Variants in GATAD1 observed in about 807,000 individuals in gnomAD.
GATAD1 encodes the protein GATA zinc finger domain-containing protein 1.
Under a neutral mutation model 26.5 loss-of-function variants are expected in GATAD1, and 12 were observed. The ratio of observed to expected loss-of-function variants is 0.45; its 90% CI spans 0.29 to 0.73. GATAD1 has a LOEUF of 0.73. GATAD1 is among the 30% of genes least tolerant of loss of function. GATAD1 has a pLI of 0.10. For synonymous variants in GATAD1, 129 were observed against 133.1 expected (o/e 0.97, Z 0.21); for missense variants, 266 against 342.1 (o/e 0.78, Z 1.75).
the GATAD1 span, among the ~76,000 whole-genome samples, chr7:92,475,749 T>C: frequency 6.6e-6 from 1 of 152,220 alleles, no homozygotes; most frequent in Non-Finnish European, 1.5e-5. Flanking sequence ...GCCTTTGCGC[T>C]CAGGGGTGAG....
rs1171830514 is a variant in GATAD1, at chr7:92,457,425, C to G, written c.*863C>G. Reference sequence around the variant, plus strand: ...GTTGCAGTGAGCAGAGATCGTGCCACTGCACTCCAGCCTGGGTGGACAGAG... The same window carrying G: ...GTTGCAGTGAGCAGAGATCGTGCCAGTGCACTCCAGCCTGGGTGGACAGAG... On this transcript the variant is annotated 3_prime_UTR_variant, in exon 5 of 5. Transcript: ENST00000287957. 6.6e-6 allele frequency: 1 copy of G among 152,324 alleles called. No homozygotes were observed. The highest frequency in any genetic ancestry group is 1.5e-5 in the Non-Finnish European group (1 of 68,156). 9.4% of individuals were successfully genotyped at this position (152,324 alleles called of 1,614,324 possible).
chr7:92,447,706 CG>C lies in GATAD1; in HGVS notation c.-19del, dbSNP rs1162226618. 7.6e-6 allele frequency: 11 copies of C among 1,440,228 alleles called. No homozygotes were observed. The highest frequency in any genetic ancestry group is 2.8e-5 in the South Asian group (2 of 71,214). 89.2% of individuals were successfully genotyped at this position (1,440,228 alleles called of 1,614,324 possible). ...CGCCATTCCCGTGTCTCTGCGCCCG[CG>C]GGGGCCGCCCGAGCCGGCCACCATG... On this transcript the variant is annotated 5_prime_UTR_variant, in exon 1 of 5. Transcript: ENST00000287957.
Position 92,456,456 on chromosome 7 carries a change from C to G in GATAD1, c.704C>G (p.Ser235Ter). 6.2e-7 allele frequency: 1 copy of G among 1,611,514 alleles called. No individual in the cohort carries two copies. Reference sequence around the variant, plus strand: ...TCTGAGTATTTCAAGTCACGGTCATCACCATTTCCCACAGTTCCCACCAGA... The same window carrying G: ...TCTGAGTATTTCAAGTCACGGTCATGACCATTTCCCACAGTTCCCACCAGA... ...APSEYFKSRS[S>*]PFPTVPTRPE... The change falls in exon 5 of 5, where the codon TCA (serine) becomes TGA (stop). Residue 235 changes from serine (S) to a stop codon, truncating the protein, a stop_gained. Transcript: ENST00000287957. LOFTEE classifies it high-confidence loss of function.
At chr7:92,467,312 C>G in the GATAD1 span, among the ~76,000 whole-genome samples, 1 of 150,500 alleles carries the variant, frequency 6.6e-6, no homozygotes, top group African/African-American at 2.4e-5. Context: ...AACTCCGTCT[C>G]AAAATAAAAA....
chr7:92,476,407 CG>C, the GATAD1 span, among the ~76,000 whole-genome samples: 1 of 152,140 alleles, frequency 6.6e-6, no homozygotes, highest in Non-Finnish European at 1.5e-5. Context: ...AGGGAAGCTA[CG>C]GGTTGTCAAT....
the GATAD1 span, chr7:92,475,278 G>T: frequency 1.3e-5 from 2 of 152,088 alleles, no homozygotes; most frequent in Admixed American, 6.5e-5. Context: ...TCTTAGGGGC[G>T]TTTTTGTCTT....
chr7:92,477,239 C>G, the GATAD1 span: 2 of 152,314 alleles, frequency 1.3e-5, no homozygotes, highest in African/African-American at 4.8e-5. Context: ...GAAAGCCCTT[C>G]CCCAGATAGC....
chr7:92,462,009 G>A (rs1413265297), downstream of GATAD1, among the ~76,000 whole-genome samples: 1 of 152,124 alleles, frequency 6.6e-6, no homozygotes, highest in African/African-American at 2.4e-5. Flanking sequence ...CTATCCAGCT[G>A]GTGGCCAATG....
Position 92,447,622 on chromosome 7 carries a change from C to A in GATAD1, c.-108C>A. ...ACCGGCAGCTCCGTGCCGACGCTCT[C>A]ACCGCTCTTCCTATCGCCGGGAGTG... is the stretch of plus-strand genomic sequence containing the variant. On this transcript the variant is annotated 5_prime_UTR_variant, in exon 1 of 5. Coordinates refer to ENST00000287957, the MANE Select transcript of GATAD1 (RefSeq NM_021167.5). 1 of 1,302,120 alleles carries A rather than the reference C, an allele frequency of 7.7e-7. No individual in the cohort carries two copies. Among genetic ancestry groups the A allele is most frequent in the Non-Finnish European group, 9.8e-7 (1 of 1,019,050 alleles). The allele number at this position is 1,302,120 out of a possible 1,614,324, so 80.7% of individuals were successfully genotyped here.
chr7:92,449,028 A>G, intron 2 of GATAD1, 151 bp downstream of exon 2: 1 of 1,040,576 alleles, frequency 9.6e-7, no homozygotes, highest in Non-Finnish European at 1.4e-6. Flanking sequence ...AAAGGGAATG[A>G]GCTCTGTTGC....
chr7:92,460,419 G>A (rs1045104151), downstream of GATAD1, among the ~76,000 whole-genome samples: 1 of 152,138 alleles, frequency 6.6e-6, no homozygotes. Context: ...GAGAAGGTCT[G>A]TGCCAAGAGA....
In GATAD1 at chr7:92,458,849, G is replaced by A. The variant is rs1189255792; in HGVS notation, c.*2287G>A. 1 of 152,198 alleles carries A rather than the reference G, an allele frequency of 6.6e-6. No individual in the cohort carries two copies. Among genetic ancestry groups the A allele is most frequent in the Non-Finnish European group, 1.5e-5 (1 of 68,030 alleles). The allele number at this position is 152,198 out of a possible 1,614,324, so 9.4% of individuals were successfully genotyped here. A position where few individuals can be genotyped will look rare whatever the true frequency, so the allele number is the denominator to read the frequency against. On this transcript the variant is annotated 3_prime_UTR_variant, in exon 5 of 5. Transcript: ENST00000287957. ...TTTTCACCGTGCATTTACTTTGGAT[G>A]TATTTATTTCATTTAAACAATTTAA...
chr7:92,468,761 C>G, the GATAD1 span: 3 of 714,856 alleles, frequency 4.2e-6, no homozygotes, highest in Non-Finnish European at 7.6e-6. Flanking sequence ...GGCCGACGAC[C>G]GCTCTAACTG....
chr7:92,448,300 T>C (rs929436092), intron 1 of GATAD1, among the ~76,000 whole-genome samples: 6 of 152,254 alleles, frequency 3.9e-5, no homozygotes, highest in African/African-American at 1.4e-4. Flanking sequence ...TTTTGTCATA[T>C]CAGGTTATGA....
intron 4 of GATAD1, among the ~76,000 whole-genome samples, 192 bp from the exon 5 acceptor site, chr7:92,456,180 G>A (rs964716743): frequency 1.3e-5 from 2 of 152,130 alleles, no homozygotes; most frequent in Non-Finnish European, 2.9e-5. Flanking sequence ...GTTTTTGGGA[G>A]AATGCCATAT....
At chr7:92,450,455 T>C in intron 2 of GATAD1, 1 of 493,024 alleles carries the variant, frequency 2.0e-6, no homozygotes, top group Non-Finnish European at 3.6e-6. Context: ...GCATTAGATC[T>C]CAGCAGCATA....
At chr7:92,486,179 C>T in the GATAD1 span, among the ~76,000 whole-genome samples, 1 of 152,212 alleles carries the variant, frequency 6.6e-6, no homozygotes, top group East Asian at 1.9e-4. Flanking sequence ...GCAGCAGTGA[C>T]CAACCAGGCA....
At chr7:92,487,625 A>G in the GATAD1 span, 1 of 603,612 alleles carries the variant, frequency 1.7e-6, no homozygotes, top group Non-Finnish European at 2.9e-6. Context: ...AAACACAATT[A>G]TATTTTAAGA....
At chr7:92,487,436 C>A in the GATAD1 span, 2 of 1,361,312 alleles carry the variant, frequency 1.5e-6, no homozygotes, top group African/African-American at 2.9e-5. Context: ...TTAACAGAAC[C>A]AAATCAAAAA....
Sources: gnomAD v4.1 joint callset for allele counts (sites outside exome capture counted in the v4.1 genomes callset) on GRCh38, gnomAD v4.1.1 for gene constraint, MANE v1.5 for transcripts, NCBI Gene and HGNC (gene_info 2026-07-23, HGNC 2026-07-21) for gene names.